The following KANK1 variants were observed in gnomAD, a reference collection of about 807,000 sequenced individuals.
The protein encoded by KANK1 is KN motif and ankyrin repeat domain-containing protein 1.
A neutral mutation model predicts 106.2 loss-of-function variants in KANK1; 109 were observed. The observed-to-expected ratio is 1.03, with a 90% confidence interval of 0.88 to 1.20. The LOEUF (loss-of-function observed/expected upper bound fraction) is 1.20, where lower values mean the gene tolerates loss of function less well. Among genes scored for constraint, KANK1 ranks in the 50% most tolerant of loss-of-function variants. KANK1 has a pLI of 0.00. For missense variants in KANK1, 2,399 were observed against 1,710.7 expected (o/e 1.40, Z -7.10); for synonymous variants, 873 against 652.2 (o/e 1.34, Z -5.16).
At position 746,065 on chromosome 9, in the gene KANK1, C is replaced by T. The variant is rs1589395914; in HGVS notation, c.*830C>T. 6.6e-6 allele frequency: 1 copy of T among 152,584 alleles called. No homozygotes were observed. The highest frequency in any genetic ancestry group is 1.5e-5 in the Non-Finnish European group (1 of 68,038). 9.5% of individuals were successfully genotyped at this position (152,584 alleles called of 1,614,324 possible). A position where few individuals can be genotyped will look rare whatever the true frequency, so the allele number is the denominator to read the frequency against. On this transcript the variant is annotated 3_prime_UTR_variant, in exon 12 of 12. Transcript: ENST00000382297. ...ATTTAAATGTTTGAAGTGCCTTAGA[C>T]TCTTGCCATATTTTCAAAATAAAAT...
chr9:599,555 C>A (rs1827191588), intron 1 of KANK1, among the ~76,000 whole-genome samples: 1 of 151,930 alleles, frequency 6.6e-6, no homozygotes, highest in South Asian at 2.1e-4. Flanking sequence ...TTGTGTCTTT[C>A]TCTGCTAGTT....
intron 1 of KANK1, among the ~76,000 whole-genome samples, chr9:544,182 G>A (rs562635799): frequency 2.0e-5 from 3 of 151,898 alleles, no homozygotes; most frequent in South Asian, 2.1e-4. Context: ...CACCATACCC[G>A]GCTAATTTTT....
chr9:512,331 A>G (rs1050251311), intron 1 of KANK1, among the ~76,000 whole-genome samples: 14 of 152,066 alleles, frequency 9.2e-5, no homozygotes, highest in African/African-American at 3.4e-4. Context: ...TAAATACTGC[A>G]TTGTGGGCCA....
intron 1 of KANK1, among the ~76,000 whole-genome samples, chr9:612,908 A>T (rs1830909487): frequency 6.6e-6 from 1 of 152,220 alleles, no homozygotes; most frequent in African/African-American, 2.4e-5. Context: ...GATATTTGCC[A>T]TACATATGCC....
chr9:734,818 TTGACCAGCAAAGATATGGTGAGTC>T lies in KANK1; in HGVS notation c.3322_3333+12del. The T allele has an allele frequency of 1.2e-6, 2 of 1,613,292 alleles. No individual in the cohort carries two copies. Among genetic ancestry groups the T allele is most frequent in the Non-Finnish European group, 1.7e-6 (2 of 1,179,198 alleles). Reference sequence around the variant, plus strand: ...AAATACTATAAATGACCCCAAAGCTTTGACCAGCAAAGATATGGTGAGTCTGACCTGCAAACACCATCCCCAGTG... The same window carrying T: ...AAATACTATAAATGACCCCAAAGCTTTGACCTGCAAACACCATCCCCAGTG... On this transcript the variant is annotated splice_donor_variant and splice_donor_5th_base_variant and coding_sequence_variant and intron_variant, in exon 7 of 12. Coordinates refer to ENST00000382297, the MANE Select transcript of KANK1 (RefSeq NM_015158.5). LOFTEE classifies it high-confidence loss of function.
chr9:547,685 A>T (rs1050729984), intron 1 of KANK1, among the ~76,000 whole-genome samples: 1 of 144,312 alleles, frequency 6.9e-6, no homozygotes, highest in East Asian at 1.9e-4. Context: ...AGTGATAAGA[A>T]TTCTCTTCCT....
intron 1 of KANK1, among the ~76,000 whole-genome samples, chr9:604,357 G>A (rs1828548406): frequency 6.6e-6 from 1 of 151,682 alleles, no homozygotes; most frequent in South Asian, 2.1e-4. Flanking sequence ...CCTGATGGGA[G>A]GTGATTGGAT....
Position 725,025 on chromosome 9 carries a change from G to A in KANK1, c.2699-5026G>A, listed in dbSNP as rs560587917. ...CATAGTGTGAAACGTTGTTTGGACC[G>A]CTGAATTCAGTATTGTGTGTATGTG... On this transcript the variant is annotated intron_variant, in intron 3 of 11. Coordinates refer to ENST00000382297, the MANE Select transcript of KANK1 (RefSeq NM_015158.5). Among the ~76,000 whole-genome samples the A allele has an allele frequency of 7.8e-4, 118 of 152,252 alleles. 2 individuals carry two copies. In the Middle Eastern group the frequency reaches 0.01, roughly 13 times the overall value.
At chr9:598,234 A>G (rs1248114532) in intron 1 of KANK1, among the ~76,000 whole-genome samples, 2 of 151,706 alleles carry the variant, frequency 1.3e-5, no homozygotes, top group South Asian at 2.1e-4. Flanking sequence ...TTATCCCTAT[A>G]CTAGTACTAC....
At chr9:480,826 G>A (rs1224628807) in intron 3 of KANK1, among the ~76,000 whole-genome samples, 1 of 152,194 alleles carries the variant, frequency 6.6e-6, no homozygotes, top group Non-Finnish European at 1.5e-5. Context: ...AAGGGGTTGG[G>A]CAGATAAATT....
chr9:489,423 A>C (rs532415964), intron 3 of KANK1, among the ~76,000 whole-genome samples: 46 of 152,226 alleles, frequency 3.0e-4, no homozygotes, highest in Non-Finnish European at 5.0e-4. Context: ...TCAGATAAAC[A>C]ATGAATACTT....
intron 1 of KANK1, among the ~76,000 whole-genome samples, chr9:619,035 C>G (rs562563038): frequency 6.6e-6 from 1 of 152,164 alleles, no homozygotes; most frequent in Non-Finnish European, 1.5e-5. Flanking sequence ...AATTTAGTGT[C>G]TGTTGGTCAA....
At chr9:517,853 C>A (rs1338265339) in intron 1 of KANK1, among the ~76,000 whole-genome samples, 1 of 151,054 alleles carries the variant, frequency 6.6e-6, no homozygotes, top group Admixed American at 6.6e-5. Context: ...GTTCTCCCGC[C>A]TCAGCCTCCC....
At chr9:526,986 T>C (rs1303286554) in intron 1 of KANK1, among the ~76,000 whole-genome samples, 8 of 151,844 alleles carry the variant, frequency 5.3e-5, no homozygotes, top group Non-Finnish European at 1.2e-4. Context: ...AGACTGGAAA[T>C]AATTCACAGC....
chr9:535,411 C>G (rs1399722197), intron 1 of KANK1, among the ~76,000 whole-genome samples: 2 of 152,160 alleles, frequency 1.3e-5, no homozygotes, highest in African/African-American at 4.8e-5. Flanking sequence ...ACTTCTTTCT[C>G]TCCAGATAGA....
chr9:659,366 G>A lies in KANK1; in HGVS notation c.-83-17524G>A, dbSNP rs112274852. Among the ~76,000 whole-genome samples, 166 of 152,142 alleles carry A rather than the reference G, an allele frequency of 1.1e-3. 1 individual carries two copies. The highest frequency in any genetic ancestry group is 3.6e-3 in the African/African-American group (151 of 41,476). On this transcript the variant is annotated intron_variant, in intron 1 of 11. Coordinates refer to ENST00000382297, the MANE Select transcript of KANK1 (RefSeq NM_015158.5). ...TTGGCCTACCTCAGGGTCACCTAGCGGGTTATCAAAATGCAGATTGCAGGG... is the reference window on the plus strand; with the variant it reads ...TTGGCCTACCTCAGGGTCACCTAGCAGGTTATCAAAATGCAGATTGCAGGG...
chr9:665,023 T>C (rs1334276421), intron 1 of KANK1, among the ~76,000 whole-genome samples: 1 of 152,206 alleles, frequency 6.6e-6, no homozygotes, highest in Non-Finnish European at 1.5e-5. Flanking sequence ...TTAATGACTT[T>C]TTGCTATTGA....
intron 3 of KANK1, among the ~76,000 whole-genome samples, chr9:491,017 T>TG (rs796529854): frequency 2.1e-5 from 3 of 144,920 alleles, no homozygotes; most frequent in African/African-American, 7.9e-5. Flanking sequence ...TGGCGTGCAG[T>TG]GGTACAACCA....
Position 712,407 on chromosome 9 carries a change from A to C in KANK1, c.1641A>C (p.Val547=). The C allele has an allele frequency of 6.2e-7, 1 of 1,614,194 alleles. No individual in the cohort carries two copies. Among genetic ancestry groups the C allele is most frequent in the Non-Finnish European group, 8.5e-7 (1 of 1,180,034 alleles). The change falls in exon 3 of 12, where the codon GTA becomes GTC. Residue 547 remains valine, a synonymous_variant. Coordinates refer to ENST00000382297, the MANE Select transcript of KANK1 (RefSeq NM_015158.5). ...GGACCTCCGTGGAAACAAACAGTGT[A>C]GGCATCTCCTGCCAGCCTGAATGTA... ...CVGTSVETNS[V]GISCQPECKN... is the part of the protein sequence containing the mutation.
Sources: allele counts gnomAD v4.1 joint callset (sites outside exome capture counted in the v4.1 genomes callset), GRCh38; gene constraint gnomAD v4.1.1; transcripts MANE v1.5; gene names NCBI Gene and HGNC (gene_info 2026-07-23, HGNC 2026-07-21).